The following CRADD variants were observed in gnomAD, a reference collection of about 807,000 sequenced individuals.
CRADD encodes the protein death domain-containing protein CRADD.
In CRADD, 9 loss-of-function variants were observed where a neutral mutation model predicts 15.5. The observed-to-expected ratio is 0.58, with a 90% CI of 0.35 to 1.01. The LOEUF is 1.01. CRADD is among the 50% of genes least tolerant of loss of function. CRADD has a pLI of 0.02. For synonymous variants in CRADD, 118 were observed against 107.6 expected (o/e 1.10, Z -0.60); for missense variants, 227 against 250.3 (o/e 0.91, Z 0.63).
chr12:93,839,439 C>T (rs1487683768), intron 2 of CRADD, among the ~76,000 whole-genome samples: 1 of 152,102 alleles, frequency 6.6e-6, no homozygotes, highest in Non-Finnish European at 1.5e-5. Flanking sequence ...AATACATGTC[C>T]CTTACAGGTC....
rs538268536 is a variant in CRADD at position 93,684,123 on chromosome 12, C to G, written c.298+5051C>G. ...ATGCCAGGTACTGGGTATATAAAGA[C>G]AAATGGAGGATCTCCAGATCAGTTG... On this transcript the variant is annotated intron_variant, in intron 2 of 2. Transcript: ENST00000332896. Among the ~76,000 whole-genome samples, 3 of 152,270 alleles carry G rather than the reference C, an allele frequency of 2.0e-5. No individual in the cohort carries two copies. The South Asian group carries it at 6.2e-4, about 32-fold the overall frequency.
intron 2 of CRADD, among the ~76,000 whole-genome samples, chr12:93,689,282 A>C (rs796643160): frequency 6.6e-6 from 1 of 152,148 alleles, no homozygotes; most frequent in African/African-American, 2.4e-5. Context: ...TTAGCAAGGT[A>C]GTGTTCTCTT....
chr12:93,859,994 T>C (rs1485556898), intron 2 of CRADD, among the ~76,000 whole-genome samples: 1 of 152,016 alleles, frequency 6.6e-6, no homozygotes, highest in East Asian at 1.9e-4. Context: ...TCTCCCATAG[T>C]ACTGGTATTA....
At chr12:93,717,966 T>C (rs1469498376) in intron 2 of CRADD, among the ~76,000 whole-genome samples, 2 of 152,240 alleles carry the variant, frequency 1.3e-5, no homozygotes, top group East Asian at 1.9e-4. Context: ...TTTGCTCCAT[T>C]GTCAAAGATC....
At chr12:93,825,176 G>A (rs1472171998) in intron 2 of CRADD, among the ~76,000 whole-genome samples, 1 of 152,096 alleles carries the variant, frequency 6.6e-6, no homozygotes, top group Non-Finnish European at 1.5e-5. Context: ...GCATAGTCTG[G>A]GAATTATACT....
chr12:93,706,772 A>G (rs975220629), intron 2 of CRADD, among the ~76,000 whole-genome samples: 8 of 152,226 alleles, frequency 5.3e-5, no homozygotes, highest in Non-Finnish European at 1.0e-4. Flanking sequence ...CCGATTGAAA[A>G]TCATTTCAGA....
chr12:93,707,745 G>A (rs1955980744), intron 2 of CRADD: 1 of 152,172 alleles, frequency 6.6e-6, no homozygotes, highest in African/African-American at 2.4e-5. Context: ...AGAAACAAAG[G>A]ATTTGAGGCC....
rs77041843 is a variant in CRADD, at chr12:93,849,740, C to CAAA, written c.299-213_299-211dup. Among the ~76,000 whole-genome samples, 294 of 62,230 alleles carry CAAA rather than the reference C, an allele frequency of 4.7e-3. 2 individuals carry two copies. Among genetic ancestry groups the CAAA allele is most frequent in the African/African-American group, 0.014 (276 of 19,068 alleles). 40.8% of individuals were successfully genotyped at this position (62,230 alleles called of 152,430 possible). A position where few individuals can be genotyped will look rare whatever the true frequency, so the allele number is the denominator to read the frequency against. On this transcript the variant is annotated intron_variant, in intron 2 of 2. Transcript: ENST00000332896. Reference sequence around the variant, plus strand: ...TGGGTGACAGAGTGAAACACCGTCTCAAAAAAAAAAAAAAAAAAAGTTTCT... The same window carrying CAAA: ...TGGGTGACAGAGTGAAACACCGTCTCAAAAAAAAAAAAAAAAAAAAAAGTTTCT...
intron 2 of CRADD, among the ~76,000 whole-genome samples, chr12:93,730,234 G>T (rs1162819058): frequency 3.9e-5 from 6 of 152,240 alleles, no homozygotes; most frequent in Admixed American, 1.3e-4. Flanking sequence ...AACTGTTGCA[G>T]CCCAGGGCTG....
intron 2 of CRADD, among the ~76,000 whole-genome samples, chr12:93,684,510 C>T (rs1372956366): frequency 7.9e-5 from 12 of 152,098 alleles, no homozygotes; most frequent in Non-Finnish European, 1.6e-4. Context: ...TAATAGGCCA[C>T]GGACCGGTAT....
At chr12:93,681,850 C>A (rs940187830) in intron 2 of CRADD, among the ~76,000 whole-genome samples, 5 of 151,674 alleles carry the variant, frequency 3.3e-5, no homozygotes, top group Non-Finnish European at 7.4e-5. Flanking sequence ...ATCCTGTATA[C>A]CGTAAGTTCT....
chr12:93,881,788 C>T (rs1593059910), intron 2 of CRADD, among the ~76,000 whole-genome samples: 2 of 152,110 alleles, frequency 1.3e-5, no homozygotes, highest in Admixed American at 6.5e-5. Flanking sequence ...GATTATCTCA[C>T]GAGGATATGA....
intron 2 of CRADD, among the ~76,000 whole-genome samples, chr12:93,790,016 C>T (rs1192323850): frequency 2.0e-5 from 3 of 152,106 alleles, no homozygotes; most frequent in Non-Finnish European, 4.4e-5. Context: ...TGTGTTCGTA[C>T]TGCCTCTGTA....
chr12:93,749,941 A>G (rs1243644318), intron 2 of CRADD, among the ~76,000 whole-genome samples: 2 of 152,204 alleles, frequency 1.3e-5, no homozygotes, highest in African/African-American at 4.8e-5. Flanking sequence ...CCTTGTACAT[A>G]GTAGGTACTC....
intron 2 of CRADD, among the ~76,000 whole-genome samples, chr12:93,789,268 C>T (rs1004896358): frequency 2.6e-4 from 39 of 152,110 alleles, no homozygotes; most frequent in African/African-American, 7.5e-4. Flanking sequence ...TTGCCTCCAG[C>T]GGATTGCCTG....
intron 2 of CRADD, among the ~76,000 whole-genome samples, chr12:93,680,444 G>C (rs1391507776): frequency 6.6e-6 from 1 of 152,198 alleles, no homozygotes; most frequent in Non-Finnish European, 1.5e-5. Flanking sequence ...GCATGACATA[G>C]CCAGCTAACT....
chr12:93,746,252 C>T (rs1218482852), intron 2 of CRADD, among the ~76,000 whole-genome samples: 1 of 152,166 alleles, frequency 6.6e-6, no homozygotes, highest in Non-Finnish European at 1.5e-5. Flanking sequence ...TGCTTTCTTT[C>T]TGCTAGAAAG....
intron 2 of CRADD, among the ~76,000 whole-genome samples, chr12:93,682,554 T>C (rs1298498954): frequency 6.6e-6 from 1 of 152,190 alleles, no homozygotes; most frequent in Non-Finnish European, 1.5e-5. Context: ...TTCCCCTTTA[T>C]TGGTTTGTTG....
intron 2 of CRADD, among the ~76,000 whole-genome samples, chr12:93,775,291 C>A (rs1957129488): frequency 6.6e-6 from 1 of 152,126 alleles, no homozygotes; most frequent in African/African-American, 2.4e-5. Context: ...TAGGTACAGA[C>A]CCTTAGAATT....
Sources: gnomAD v4.1 joint callset for allele counts (sites outside exome capture counted in the v4.1 genomes callset) on GRCh38, gnomAD v4.1.1 for gene constraint, MANE v1.5 for transcripts, NCBI Gene and HGNC (gene_info 2026-07-23, HGNC 2026-07-21) for gene names.